Variants in RRM2B observed in about 807,000 individuals in gnomAD.
RRM2B encodes the protein ribonucleotide reductase regulatory TP53 inducible subunit M2B.
Under a neutral mutation model 45.9 loss-of-function variants are expected in RRM2B, and 20 were observed. That is an observed-to-expected ratio of 0.44 (90% CI 0.31 to 0.63). The LOEUF (loss-of-function observed/expected upper bound fraction) is 0.63. Among genes scored for constraint, RRM2B ranks in the 30% least tolerant of loss-of-function variants. RRM2B has a pLI of 0.09. For missense variants in RRM2B, 320 were observed against 414.7 expected (o/e 0.77, Z 1.98); for synonymous variants, 124 against 132.3 (o/e 0.94, Z 0.43).
intron 2 of RRM2B, among the ~76,000 whole-genome samples, chr8:102,226,751 GTCGCCAGGCTAGAGTGCAGTGGCATGA>G (rs1442536889): frequency 1.3e-5 from 2 of 152,144 alleles, no homozygotes; most frequent in Non-Finnish European, 2.9e-5. Flanking sequence ...GTCTCGCTCT[GTCGCCAGGCTAGAGTGCAGTGGCATGA>G]TCTTGGCTCA....
At chr8:102,220,396 A>G (rs1810809795) in intron 5 of RRM2B, among the ~76,000 whole-genome samples, 1 of 152,222 alleles carries the variant, frequency 6.6e-6, no homozygotes, top group Non-Finnish European at 1.5e-5. Context: ...AGGAAAGTAG[A>G]CTATAATTAA....
intron 8 of RRM2B, among the ~76,000 whole-genome samples, chr8:102,210,841 C>T (rs1810623041): frequency 6.6e-6 from 1 of 151,560 alleles, no homozygotes; most frequent in South Asian, 2.1e-4. Context: ...GTCGAGCAAT[C>T]CTCCTGCCTT....
chr8:102,216,545 T>A (rs977749306), intron 6 of RRM2B, among the ~76,000 whole-genome samples: 1 of 152,160 alleles, frequency 6.6e-6, no homozygotes, highest in Non-Finnish European at 1.5e-5. Context: ...AAGGACCCAA[T>A]CAGTCACTGT....
At chr8:102,236,702 T>C (rs1178132777) in intron 1 of RRM2B, among the ~76,000 whole-genome samples, 1 of 152,196 alleles carries the variant, frequency 6.6e-6, no homozygotes, top group Admixed American at 6.5e-5. Flanking sequence ...AACAAAATTA[T>C]TATAGCCGCA....
At chr8:102,230,323 G>A (rs1018718803) in intron 2 of RRM2B, among the ~76,000 whole-genome samples, 6 of 152,158 alleles carry the variant, frequency 3.9e-5, no homozygotes, top group African/African-American at 1.2e-4. Context: ...TACAGAACAC[G>A]TACCAACCTG....
Position 102,204,738 on chromosome 8 carries a change from GCTTT to G in RRM2B, c.*3391_*3394del, listed in dbSNP as rs1810514722. On this transcript the variant is annotated 3_prime_UTR_variant, in exon 9 of 9. Coordinates refer to ENST00000251810, the MANE Select transcript of RRM2B (RefSeq NM_015713.5). ...ATTTAGATACACCACACATAATAAA[GCTTT>G]CTATGTACACAGTAAATAGTAAATA... 1 of 151,854 alleles carries G rather than the reference GCTTT, an allele frequency of 6.6e-6. No homozygotes were observed. Among genetic ancestry groups the G allele is most frequent in the Non-Finnish European group, 1.5e-5 (1 of 67,956 alleles). The allele number at this position is 151,854 out of a possible 1,614,324, so 9.4% of individuals were successfully genotyped here.
chr8:102,232,058 A>G (rs935023354), intron 2 of RRM2B, 91 bp downstream of exon 2: 34 of 1,127,898 alleles, frequency 3.0e-5, no homozygotes, highest in Non-Finnish European at 4.5e-5. Context: ...ATCTTCTTCA[A>G]TGTATAAGTT....
At chr8:102,214,003 C>A in intron 7 of RRM2B, 51 bp downstream of exon 7, 1 of 1,224,746 alleles carries the variant, frequency 8.2e-7, no homozygotes, top group Non-Finnish European at 1.2e-6. Context: ...AATAGTGGTA[C>A]AAACATCAGA....
intron 8 of RRM2B, among the ~76,000 whole-genome samples, chr8:102,210,877 G>A (rs1019265485): frequency 1.3e-5 from 2 of 152,328 alleles, no homozygotes; most frequent in South Asian, 2.1e-4. Context: ...GGGATTATAG[G>A]AGTCAGCCAC....
chr8:102,212,409 T>C (rs188052325), intron 8 of RRM2B, among the ~76,000 whole-genome samples: 1 of 152,310 alleles, frequency 6.6e-6, no homozygotes, highest in East Asian at 1.9e-4. Context: ...CTAATAACTA[T>C]TCCCTATTTA....
chr8:102,211,634 A>G (rs1404556344), intron 8 of RRM2B, among the ~76,000 whole-genome samples: 10 of 152,234 alleles, frequency 6.6e-5, no homozygotes, highest in Non-Finnish European at 1.3e-4. Context: ...TAAGGCTTAA[A>G]TAAGCAAATT....
At chr8:102,237,817 T>G (rs1639818076) in intron 1 of RRM2B, among the ~76,000 whole-genome samples, 1 of 152,222 alleles carries the variant, frequency 6.6e-6, no homozygotes, top group Admixed American at 6.5e-5. Flanking sequence ...AGTTACTAAA[T>G]GCTTACAAAA....
chr8:102,238,551 A>C (rs1474815711), intron 1 of RRM2B: 10 of 1,506,346 alleles, frequency 6.6e-6, no homozygotes, highest in Non-Finnish European at 8.9e-6. Flanking sequence ...CGCAGGGGTA[A>C]GTCTCACCCC....
At chr8:102,229,224 G>C (rs1810986019) in intron 2 of RRM2B, among the ~76,000 whole-genome samples, 1 of 152,020 alleles carries the variant, frequency 6.6e-6, no homozygotes, top group Non-Finnish European at 1.5e-5. Flanking sequence ...TTGCACTCCA[G>C]CCTGGCAACA....
chr8:102,213,438 T>C (rs1001277887), intron 7 of RRM2B, among the ~76,000 whole-genome samples: 16 of 152,168 alleles, frequency 1.1e-4, no homozygotes, highest in Admixed American at 2.0e-4. Flanking sequence ...GTTCTCAAAA[T>C]GATTAAAGAT....
intron 2 of RRM2B, among the ~76,000 whole-genome samples, chr8:102,230,630 T>G (rs1811011276): frequency 6.6e-6 from 1 of 152,220 alleles, no homozygotes; most frequent in Non-Finnish European, 1.5e-5. Flanking sequence ...TTGCTCTATA[T>G]GTCAACTATA....
chr8:102,212,951 T>C (rs953477088), intron 7 of RRM2B, 62 bp from the exon 8 acceptor site: 65 of 858,314 alleles, frequency 7.6e-5, no homozygotes, highest in Non-Finnish European at 1.0e-4. Flanking sequence ...ATTTTCCAAA[T>C]AGAAAGAGGA....
At chr8:102,233,092 G>A (rs1281289626) in intron 1 of RRM2B, among the ~76,000 whole-genome samples, 1 of 152,096 alleles carries the variant, frequency 6.6e-6, no homozygotes, top group Admixed American at 6.5e-5. Flanking sequence ...ATAAACAAAG[G>A]ACATACAAAT....
At chr8:102,228,034 C>T (rs748844267) in intron 2 of RRM2B, among the ~76,000 whole-genome samples, 8 of 152,180 alleles carry the variant, frequency 5.3e-5, no homozygotes, top group Non-Finnish European at 8.8e-5. Context: ...CCTGGAACTG[C>T]AGCCCAAAGT....
Sources: gnomAD v4.1 joint callset for allele counts (sites outside exome capture counted in the v4.1 genomes callset) on GRCh38, gnomAD v4.1.1 for gene constraint, MANE v1.5 for transcripts, NCBI Gene and HGNC (gene_info 2026-07-23, HGNC 2026-07-21) for gene names.